Variants in CLSTN2 observed in about 807,000 individuals in gnomAD.
CLSTN2 encodes calsyntenin 2.
CLSTN2 carries 48 observed loss-of-function variants against 101.2 expected under a neutral mutation model. The observed-to-expected ratio is 0.47, with a 90% confidence interval of 0.38 to 0.60. The LOEUF is 0.60. CLSTN2 is among the 20% of genes least tolerant of loss of function. CLSTN2 has a pLI of 0.00. For synonymous variants in CLSTN2, 481 were observed against 463.6 expected, an observed-to-expected ratio of 1.04 and a Z score of -0.48; for missense variants, 1,160 against 1,238.2, an observed-to-expected ratio of 0.94 and a Z score of 0.95.
intron 1 of CLSTN2, among the ~76,000 whole-genome samples, chr3:139,998,294 A>C (rs2006727253): frequency 7.0e-6 from 1 of 143,168 alleles, no homozygotes; most frequent in South Asian, 2.2e-4. Context: ...TCCCAACCTC[A>C]GTTTTAAATT....
At chr3:140,046,459 C>T (rs1417515748) in intron 1 of CLSTN2, among the ~76,000 whole-genome samples, 1 of 152,142 alleles carries the variant, frequency 6.6e-6, no homozygotes, top group Non-Finnish European at 1.5e-5. Flanking sequence ...GGTCTTGACT[C>T]TTTATCCAAT....
rs79750794 is a variant in CLSTN2, at chr3:140,236,101, G to A, written c.232+60028G>A. Among the ~76,000 whole-genome samples, 669 of 152,194 alleles carry A rather than the reference G, an allele frequency of 4.4e-3. 4 individuals are homozygous for A. The highest frequency in any genetic ancestry group is 0.015 in the African/African-American group (642 of 41,540). Reference sequence around the variant, plus strand: ...CACAGATTTGGAATTGGTGATTTCTGTGGGCCTCTCCACACACCTAAATAT... The same window carrying A: ...CACAGATTTGGAATTGGTGATTTCTATGGGCCTCTCCACACACCTAAATAT... On this transcript the variant is annotated intron_variant, in intron 2 of 16. Transcript: ENST00000458420.
At chr3:139,948,276 T>C (rs1935242861) in intron 1 of CLSTN2, among the ~76,000 whole-genome samples, 1 of 152,102 alleles carries the variant, frequency 6.6e-6, no homozygotes, top group African/African-American at 2.4e-5. Flanking sequence ...CTCAATTCAA[T>C]GGAAAATGTG....
At chr3:140,524,470 C>T (rs961422395) in intron 8 of CLSTN2, among the ~76,000 whole-genome samples, 9 of 152,164 alleles carry the variant, frequency 5.9e-5, no homozygotes, top group African/African-American at 1.4e-4. Flanking sequence ...TAAGATATCA[C>T]GTCATTTCAG....
chr3:140,266,123 T>A (rs1285177628), intron 2 of CLSTN2, among the ~76,000 whole-genome samples: 1 of 152,092 alleles, frequency 6.6e-6, no homozygotes, highest in Admixed American at 6.6e-5. Context: ...AATTCCCATA[T>A]CCTGTGTCTG....
intron 5 of CLSTN2, among the ~76,000 whole-genome samples, chr3:140,421,673 C>A (rs1438044704): frequency 2.0e-5 from 3 of 152,168 alleles, no homozygotes; most frequent in Non-Finnish European, 4.4e-5. Flanking sequence ...TCGCCATGTT[C>A]TTTGTGCTCA....
At chr3:140,224,344 T>C (rs987760802) in intron 2 of CLSTN2, among the ~76,000 whole-genome samples, 3 of 152,214 alleles carry the variant, frequency 2.0e-5, no homozygotes, top group African/African-American at 7.2e-5. Context: ...AGAAAAAGTT[T>C]ACAGTAATTT....
At chr3:140,282,795 A>AT (rs1559828199) in intron 2 of CLSTN2, among the ~76,000 whole-genome samples, 3 of 152,162 alleles carry the variant, frequency 2.0e-5, no homozygotes, top group African/African-American at 7.2e-5. Context: ...AATGACTCAG[A>AT]TTTCTCTCAC....
At chr3:140,396,375 A>T (rs2088182335) in intron 2 of CLSTN2, among the ~76,000 whole-genome samples, 1 of 152,192 alleles carries the variant, frequency 6.6e-6, no homozygotes, top group Non-Finnish European at 1.5e-5. Context: ...AATATTTCTG[A>T]TGTTGAAATG....
chr3:140,450,837 T>C (rs1933230055), intron 6 of CLSTN2, among the ~76,000 whole-genome samples: 1 of 152,192 alleles, frequency 6.6e-6, no homozygotes, highest in South Asian at 2.1e-4. Flanking sequence ...CTCTGCTTGA[T>C]ATTGTCATGT....
chr3:140,011,842 C>T (rs1052299870), intron 1 of CLSTN2, among the ~76,000 whole-genome samples: 3 of 151,828 alleles, frequency 2.0e-5, no homozygotes, highest in African/African-American at 7.3e-5. Flanking sequence ...CAGTGACAGG[C>T]AGTGGGTGTG....
In CLSTN2 at chr3:140,575,185, G is replaced by A. The variant is rs752075486; in HGVS notation, c.*8932G>A. 3.3e-5 allele frequency: 5 copies of A among 152,076 alleles called. No homozygotes were observed. The highest frequency in any genetic ancestry group is 7.3e-5 in the Non-Finnish European group (5 of 68,040). 9.4% of individuals were successfully genotyped at this position (152,076 alleles called of 1,614,324 possible). ...GTTTTTCTGTTTTTGTTTTGTTTTT[G>A]GCGTGGAGGAGAAATTTAGACTTGA... On this transcript the variant is annotated 3_prime_UTR_variant, in exon 17 of 17. Coordinates refer to ENST00000458420, the MANE Select transcript of CLSTN2 (RefSeq NM_022131.3).
Position 140,544,999 on chromosome 3 carries a change from A to G in CLSTN2, c.1508-1516A>G, listed in dbSNP as rs113923083. On this transcript the variant is annotated intron_variant, in intron 9 of 16. Transcript: ENST00000458420. Reference sequence around the variant, plus strand: ...CAGGAGAAAGAAAACTATAATTTCAACAGAAAAACCTTTCTAAAAATTATA... The same window carrying G: ...CAGGAGAAAGAAAACTATAATTTCAGCAGAAAAACCTTTCTAAAAATTATA... Among the ~76,000 whole-genome samples the G allele has an allele frequency of 9.8e-5, 15 of 152,356 alleles. 1 individual carries two copies. Among genetic ancestry groups the G allele is most frequent in the African/African-American group, 3.4e-4 (14 of 41,576 alleles).
rs60464575 is a variant in CLSTN2, at chr3:140,163,419, T to TACACACACAC, written c.110-12510_110-12501dup. Among the ~76,000 whole-genome samples the TACACACACAC allele has an allele frequency of 2.7e-3, 389 of 145,122 alleles. 4 individuals carry two copies. The highest frequency in any genetic ancestry group is 8.8e-3 in the African/African-American group (351 of 39,692). ...TCAATTCTTTAAAATTTTCTATCTC[T>TACACACACAC]ACACACACACACACACACACACACA... On this transcript the variant is annotated intron_variant, in intron 1 of 16. Transcript: ENST00000458420.
At chr3:140,234,763 C>G (rs187373230) in intron 2 of CLSTN2, among the ~76,000 whole-genome samples, 1 of 152,178 alleles carries the variant, frequency 6.6e-6, no homozygotes, top group Non-Finnish European at 1.5e-5. Flanking sequence ...GTCACTCAGC[C>G]TTCTGTCCCC....
intron 1 of CLSTN2, among the ~76,000 whole-genome samples, chr3:140,066,259 G>A (rs1299487504): frequency 6.6e-6 from 1 of 152,208 alleles, no homozygotes; most frequent in Non-Finnish European, 1.5e-5. Flanking sequence ...TCTGTCTGCA[G>A]TCCCAGTGTG....
chr3:140,457,999 C>A (rs904694394), intron 6 of CLSTN2, among the ~76,000 whole-genome samples: 2 of 152,182 alleles, frequency 1.3e-5, no homozygotes, highest in Non-Finnish European at 2.9e-5. Context: ...AGGATACATG[C>A]TCTTCACATA....
At chr3:140,409,845 G>GA (rs2088343080) in intron 4 of CLSTN2, among the ~76,000 whole-genome samples, 1 of 151,802 alleles carries the variant, frequency 6.6e-6, no homozygotes, top group African/African-American at 2.4e-5. Context: ...GTTCAACAAA[G>GA]AAAAAATATA....
chr3:140,172,405 G>C (rs1300069912), intron 1 of CLSTN2, among the ~76,000 whole-genome samples: 1 of 152,132 alleles, frequency 6.6e-6, no homozygotes, highest in Non-Finnish European at 1.5e-5. Context: ...AGTGGGTTGG[G>C]CTAGAACCCA....
Sources: gnomAD v4.1 joint callset for allele counts (sites outside exome capture counted in the v4.1 genomes callset) on GRCh38, gnomAD v4.1.1 for gene constraint, MANE v1.5 for transcripts, NCBI Gene and HGNC (gene_info 2026-07-23, HGNC 2026-07-21) for gene names.